The following FIGN variants were observed in gnomAD, a reference collection of about 807,000 sequenced individuals.
FIGN encodes the protein fidgetin.
A neutral mutation model predicts 51.3 loss-of-function variants in FIGN; 11 were observed. The ratio of observed to expected loss-of-function variants is 0.21; its 90% CI spans 0.13 to 0.35. The LOEUF is 0.35. Ranked by LOEUF, FIGN falls within the 10% of genes least tolerant of loss-of-function variation. FIGN has a pLI of 1.00. For synonymous variants in FIGN, 407 were observed against 363.2 expected (o/e 1.12, Z -1.37); for missense variants, 857 against 943.6 (o/e 0.91, Z 1.20).
At chr2:163,639,649 G>A (rs1192693950) in intron 2 of FIGN, among the ~76,000 whole-genome samples, 3 of 151,972 alleles carry the variant, frequency 2.0e-5, no homozygotes, top group African/African-American at 7.3e-5. Flanking sequence ...CTCTTCAGTG[G>A]GGAATGGACC....
At chr2:163,638,230 G>T (rs1196315617) in intron 2 of FIGN, among the ~76,000 whole-genome samples, 2 of 151,844 alleles carry the variant, frequency 1.3e-5, no homozygotes. Flanking sequence ...AGACTTGTAT[G>T]AGCAGGAATC....
At chr2:163,715,714 G>T (rs1416156318) in intron 2 of FIGN, among the ~76,000 whole-genome samples, 4 of 152,152 alleles carry the variant, frequency 2.6e-5, no homozygotes. Context: ...ACAAATAAAA[G>T]ATATGGTTGT....
chr2:163,624,377 T>C (rs1367984278), intron 2 of FIGN, among the ~76,000 whole-genome samples: 1 of 151,732 alleles, frequency 6.6e-6, no homozygotes, highest in African/African-American at 2.4e-5. Flanking sequence ...GAATGAATCA[T>C]TTTTAAGTCT....
At chr2:163,723,045 G>C (rs1483527032) in intron 2 of FIGN, among the ~76,000 whole-genome samples, 1 of 151,738 alleles carries the variant, frequency 6.6e-6, no homozygotes, top group African/African-American at 2.4e-5. Flanking sequence ...AAAATTAGCC[G>C]AGCGTGGTGG....
intron 2 of FIGN, among the ~76,000 whole-genome samples, chr2:163,682,628 C>T (rs1684083328): frequency 6.6e-6 from 1 of 152,132 alleles, no homozygotes; most frequent in African/African-American, 2.4e-5. Flanking sequence ...AGGATGAGAC[C>T]TGCATTGAAT....
intron 2 of FIGN, among the ~76,000 whole-genome samples, chr2:163,709,228 A>G (rs1684550280): frequency 6.6e-6 from 1 of 152,128 alleles, no homozygotes; most frequent in Non-Finnish European, 1.5e-5. Flanking sequence ...TCCTTGGGCA[A>G]TCCAGACACT....
At chr2:163,629,914 T>A (rs1573914125) in intron 2 of FIGN, among the ~76,000 whole-genome samples, 2 of 150,314 alleles carry the variant, frequency 1.3e-5, no homozygotes, top group South Asian at 4.2e-4. Context: ...ATCAAGAGGA[T>A]GTATGTTTCA....
intron 2 of FIGN, among the ~76,000 whole-genome samples, chr2:163,712,744 T>C (rs1684605551): frequency 6.6e-6 from 1 of 152,190 alleles, no homozygotes; most frequent in South Asian, 2.1e-4. Flanking sequence ...TCAAATACAA[T>C]GTTAATGTAA....
At chr2:163,731,145 G>T (rs1573978767) in intron 2 of FIGN, among the ~76,000 whole-genome samples, 1 of 152,076 alleles carries the variant, frequency 6.6e-6, no homozygotes, top group African/African-American at 2.4e-5. Context: ...GTATTAGCAT[G>T]GCTGTCTTCA....
chr2:163,619,308 G>A (rs1319538705), intron 2 of FIGN, among the ~76,000 whole-genome samples: 1 of 152,100 alleles, frequency 6.6e-6, no homozygotes, highest in Non-Finnish European at 1.5e-5. Flanking sequence ...AAGTTGTTGG[G>A]TAGATGGTAC....
intron 2 of FIGN, among the ~76,000 whole-genome samples, chr2:163,612,888 G>A (rs1322038480): frequency 6.6e-6 from 1 of 151,868 alleles, no homozygotes; most frequent in African/African-American, 2.4e-5. Flanking sequence ...AAACCACGTA[G>A]GGCATACGCT....
At position 163,611,274 on chromosome 2, in the gene FIGN, G is replaced by A. The variant is rs755448334; in HGVS notation, c.558C>T (p.Ala186=). The change falls in exon 3 of 3, where the codon GCC becomes GCT. Residue 186 remains alanine (A), a synonymous_variant. Coordinates refer to ENST00000333129, the MANE Select transcript of FIGN (RefSeq NM_018086.4). ...LHAGLPSQEY[A]PGYNGSYLHS... ...GCAAATATGATCCGTTGTATCCTGG[G>A]GCATATTCCTGAGATGGGAGCCCTG... 1.9e-6 allele frequency: 3 copies of A among 1,614,082 alleles called. No homozygotes were observed. Among genetic ancestry groups the A allele is most frequent in the Admixed American group, 3.3e-5 (2 of 60,008 alleles).
chr2:163,734,889 C>T lies in FIGN; in HGVS notation c.25+14G>A. 2 of 1,600,538 alleles carry T rather than the reference C, an allele frequency of 1.2e-6. No homozygotes were observed. Among genetic ancestry groups the T allele is most frequent in the African/African-American group, 1.3e-5 (1 of 74,150 alleles). ...ATTTAGATGCAAAGGAAGTAAATTC[C>T]AAAACTGACATACCATAAACACTGG... On this transcript the variant is annotated intron_variant, in intron 2 of 2. Transcript: ENST00000333129.
chr2:163,706,386 C>T (rs960024436), intron 2 of FIGN, among the ~76,000 whole-genome samples: 13 of 152,148 alleles, frequency 8.5e-5, no homozygotes, highest in African/African-American at 2.9e-4. Flanking sequence ...GTAAAGATGG[C>T]GGCTTAATAG....
At position 163,603,293 on chromosome 2, in the gene FIGN, G is replaced by T. The variant is rs1228297578; in HGVS notation, c.*6259C>A. ...GGAAACAGTACTAGAATAACCCAAA[G>T]AAACATGTACTATATAGGGCTTTTC... is the stretch of plus-strand genomic sequence containing the variant. On this transcript the variant is annotated 3_prime_UTR_variant, in exon 3 of 3. Coordinates refer to ENST00000333129, the MANE Select transcript of FIGN (RefSeq NM_018086.4). The T allele has an allele frequency of 1.3e-5, 2 of 152,026 alleles. No homozygotes were observed. The highest frequency in any genetic ancestry group is 2.1e-4 in the South Asian group (1 of 4,830). The allele number at this position is 152,026 out of a possible 1,614,324, so 9.4% of individuals were successfully genotyped here.
intron 2 of FIGN, among the ~76,000 whole-genome samples, chr2:163,616,572 T>A (rs1461527224): frequency 6.6e-6 from 1 of 152,198 alleles, no homozygotes; most frequent in Non-Finnish European, 1.5e-5. Context: ...GGCAAACACC[T>A]GCAGGCATGG....
intron 2 of FIGN, among the ~76,000 whole-genome samples, chr2:163,704,652 T>A (rs1163339184): frequency 3.2e-4 from 42 of 132,916 alleles, no homozygotes; most frequent in African/African-American, 1.2e-3. Context: ...TCTCTCTCTC[T>A]CTCTCACACA....
rs1459959666 is a variant in FIGN, at chr2:163,604,128, T to C, written c.*5424A>G. Reference sequence around the variant, plus strand: ...TTAATTTATATCAGGAGTCACAGAATTAAAATGAAGGCATTTTCAATCACT... The same window carrying C: ...TTAATTTATATCAGGAGTCACAGAACTAAAATGAAGGCATTTTCAATCACT... On this transcript the variant is annotated 3_prime_UTR_variant, in exon 3 of 3. Transcript: ENST00000333129. The C allele has an allele frequency of 6.6e-6, 1 of 152,080 alleles. No individual in the cohort carries two copies. The highest frequency in any genetic ancestry group is 1.5e-5 in the Non-Finnish European group (1 of 67,972). 9.4% of individuals were successfully genotyped at this position (152,080 alleles called of 1,614,324 possible).
intron 2 of FIGN, among the ~76,000 whole-genome samples, chr2:163,679,781 A>G (rs1487371621): frequency 6.6e-6 from 1 of 152,196 alleles, no homozygotes; most frequent in Non-Finnish European, 1.5e-5. Flanking sequence ...AAAATATGCT[A>G]ATTGTCCTCT....
Sources: allele counts gnomAD v4.1 joint callset (sites outside exome capture counted in the v4.1 genomes callset), GRCh38; gene constraint gnomAD v4.1.1; transcripts MANE v1.5; gene names NCBI Gene and HGNC (gene_info 2026-07-23, HGNC 2026-07-21).